Variants in GNB1 observed in about 807,000 individuals in gnomAD.
The protein encoded by GNB1 is G protein subunit beta 1, also known as guanine nucleotide-binding protein G(I)/G(S)/G(T) subunit beta-1.
In GNB1, 2 loss-of-function variants were observed where a neutral mutation model predicts 42.9. The ratio of observed to expected loss-of-function variants is 0.05; its 90% CI spans 0.02 to 0.15. The LOEUF is 0.15. Ranked by LOEUF, GNB1 falls within the 10% of genes least tolerant of loss-of-function variation. GNB1 has a pLI of 1.00. For synonymous variants in GNB1, 183 were observed against 174.7 expected, an observed-to-expected ratio of 1.05 and a Z score of -0.38; for missense variants, 193 against 462.2, an observed-to-expected ratio of 0.42 and a Z score of 5.34.
chr1:1,799,156 G>A (rs536452158), intron 7 of GNB1, among the ~76,000 whole-genome samples: 4 of 152,212 alleles, frequency 2.6e-5, no homozygotes, highest in South Asian at 4.1e-4. Flanking sequence ...TCCTGACCTC[G>A]TGATCCGCCT....
chr1:1,872,877 G>C (rs1051431225), intron 1 of GNB1, among the ~76,000 whole-genome samples: 3 of 152,024 alleles, frequency 2.0e-5, no homozygotes, highest in Non-Finnish European at 4.4e-5. Context: ...GTAAATATTT[G>C]TTAAAGAGTT....
rs557709153 is a variant in GNB1 at position 1,811,429 on chromosome 1, TCA to T, written c.203+4325_203+4326del. Among the ~76,000 whole-genome samples the T allele has an allele frequency of 6.4e-3, 973 of 151,122 alleles. 2 individuals are homozygous for T. The highest frequency in any genetic ancestry group is 0.024 in the Middle Eastern group (7 of 292). ...GACAAACTAGGCCGGGCACAGTGGC[TCA>T]CCCCTGTAATCCCAGCACTTTGGGA... On this transcript the variant is annotated intron_variant, in intron 5 of 11. Coordinates refer to ENST00000378609, the MANE Select transcript of GNB1 (RefSeq NM_002074.5).
chr1:1,820,831 A>T (rs1305409156), intron 3 of GNB1, among the ~76,000 whole-genome samples: 1 of 152,214 alleles, frequency 6.6e-6, no homozygotes, highest in East Asian at 1.9e-4. Flanking sequence ...ACTTCAATTC[A>T]ATCTTTATTT....
chr1:1,841,930 G>T (rs1647254512), intron 1 of GNB1, among the ~76,000 whole-genome samples: 2 of 152,196 alleles, frequency 1.3e-5, no homozygotes, highest in Admixed American at 1.3e-4. Context: ...GCAGCCAGAA[G>T]GTGGAGACAG....
intron 8 of GNB1, among the ~76,000 whole-genome samples, chr1:1,793,012 CA>C (rs1452163940): frequency 8.0e-5 from 12 of 150,022 alleles, no homozygotes; most frequent in Non-Finnish European, 1.5e-5. Flanking sequence ...GTCGCAGAGC[CA>C]AGATTGAGCC....
At chr1:1,844,295 G>A (rs1015363345) in intron 1 of GNB1, among the ~76,000 whole-genome samples, 2 of 151,820 alleles carry the variant, frequency 1.3e-5, no homozygotes, top group Non-Finnish European at 2.9e-5. Flanking sequence ...AGAGGCTGAG[G>A]CAGGACAATC....
At chr1:1,815,221 A>G (rs1282795836) in intron 5 of GNB1, among the ~76,000 whole-genome samples, 2 of 152,126 alleles carry the variant, frequency 1.3e-5, no homozygotes, top group African/African-American at 2.4e-5. Flanking sequence ...GCCAGATGAG[A>G]GAATGGTGAG....
chr1:1,846,370 C>T (rs930158003), intron 1 of GNB1, among the ~76,000 whole-genome samples: 1 of 152,056 alleles, frequency 6.6e-6, no homozygotes, highest in Non-Finnish European at 1.5e-5. Context: ...AGTTCGAAAC[C>T]AGCCAGGCCA....
intron 1 of GNB1, among the ~76,000 whole-genome samples, chr1:1,878,564 C>G (rs1649671175): frequency 6.6e-6 from 1 of 152,180 alleles, no homozygotes; most frequent in Non-Finnish European, 1.5e-5. Context: ...CCAGCAATGC[C>G]TAGAGCCCTA....
chr1:1,829,982 C>T (rs1417191510), intron 2 of GNB1, among the ~76,000 whole-genome samples: 2 of 152,026 alleles, frequency 1.3e-5, no homozygotes, highest in South Asian at 2.1e-4. Flanking sequence ...TCAGGTGATC[C>T]GCCCACCTCG....
At chr1:1,867,512 A>G (rs1414318772) in intron 1 of GNB1, among the ~76,000 whole-genome samples, 1 of 152,178 alleles carries the variant, frequency 6.6e-6, no homozygotes, top group African/African-American at 2.4e-5. Context: ...GGAGTTTTTG[A>G]GCATTGTCTG....
chr1:1,805,182 G>C (rs1240504015), intron 6 of GNB1, among the ~76,000 whole-genome samples: 6 of 150,766 alleles, frequency 4.0e-5, no homozygotes, highest in Admixed American at 4.0e-4. Context: ...AAACAGGCCG[G>C]GTGCGGTGGC....
chr1:1,866,258 A>G lies in GNB1; in HGVS notation c.-96+24562T>C, dbSNP rs570930343. ...CCCAGCCAGAAAACAGTATCTTAAA[A>G]CAGTATGTTCCTTTCCTCCATTCAC... On this transcript the variant is annotated intron_variant, in intron 1 of 11. Transcript: ENST00000378609. 3.3e-4 allele frequency among the ~76,000 whole-genome samples: 50 copies of G among 152,338 alleles called. 1 individual carries two copies. The South Asian group carries it at 9.7e-3, about 30-fold the overall frequency.
At chr1:1,885,809 C>T (rs1231540728) in intron 1 of GNB1, among the ~76,000 whole-genome samples, 7 of 149,490 alleles carry the variant, frequency 4.7e-5, no homozygotes, top group Non-Finnish European at 4.4e-5. Context: ...CCGCCCACGT[C>T]GGCCTCCCAA....
At chr1:1,846,036 T>C (rs1570706643) in intron 1 of GNB1, among the ~76,000 whole-genome samples, 2 of 152,156 alleles carry the variant, frequency 1.3e-5, no homozygotes, top group Admixed American at 6.5e-5. Flanking sequence ...CCTCTTGCTA[T>C]GGCAGAAAGG....
chr1:1,808,654 G>A lies in GNB1; in HGVS notation c.204-2116C>T, dbSNP rs548037282. 5.1e-3 allele frequency among the ~76,000 whole-genome samples: 779 copies of A among 152,110 alleles called. 6 individuals are homozygous for A. Among genetic ancestry groups the A allele is most frequent in the African/African-American group, 0.017 (718 of 41,486 alleles). On this transcript the variant is annotated intron_variant, in intron 5 of 11. Transcript: ENST00000378609. ...TTTGTTTGTTTGTTTTTGTTTGTTT[G>A]TTTGTTTGAGACAGAGTCTCGCTCT...
intron 7 of GNB1, among the ~76,000 whole-genome samples, chr1:1,798,395 T>C (rs1286046850): frequency 1.3e-5 from 2 of 152,216 alleles, no homozygotes; most frequent in Non-Finnish European, 2.9e-5. Flanking sequence ...TTTTCATGAA[T>C]ATAGAAAATG....
intron 1 of GNB1, among the ~76,000 whole-genome samples, chr1:1,884,057 C>T (rs1404794590): frequency 6.6e-6 from 1 of 151,828 alleles, no homozygotes; most frequent in Non-Finnish European, 1.5e-5. Flanking sequence ...CCTCCGCCTC[C>T]CAGGTTCAAG....
At chr1:1,798,263 T>G (rs1169885956) in intron 7 of GNB1, among the ~76,000 whole-genome samples, 1 of 152,162 alleles carries the variant, frequency 6.6e-6, no homozygotes, top group Non-Finnish European at 1.5e-5. Flanking sequence ...ACAGTGAGCC[T>G]CAAGCAGACA....
Sources: gnomAD v4.1 joint callset for allele counts (sites outside exome capture counted in the v4.1 genomes callset) on GRCh38, gnomAD v4.1.1 for gene constraint, MANE v1.5 for transcripts, NCBI Gene and HGNC (gene_info 2026-07-23, HGNC 2026-07-21) for gene names.